Variants in ASTN1 observed in about 807,000 individuals in gnomAD.
ASTN1 encodes astrotactin-1.
A neutral mutation model predicts 140.7 loss-of-function variants in ASTN1; 41 were observed. That is an observed-to-expected ratio of 0.29 (90% CI 0.23 to 0.38). ASTN1 has a LOEUF of 0.38. Among genes scored for constraint, ASTN1 ranks in the 10% least tolerant of loss-of-function variants. ASTN1 has a pLI of 1.00. For missense variants in ASTN1, 1,479 were observed against 1,678.8 expected (o/e 0.88, Z 2.08); for synonymous variants, 640 against 652.2 (o/e 0.98, Z 0.29).
chr1:177,141,985 G>A (rs1682492148), intron 1 of ASTN1, among the ~76,000 whole-genome samples: 1 of 152,214 alleles, frequency 6.6e-6, no homozygotes, highest in South Asian at 2.1e-4. Flanking sequence ...CATCTGCCAA[G>A]TTAGAATGAA....
intron 8 of ASTN1, among the ~76,000 whole-genome samples, chr1:176,984,999 C>A (rs1481773993): frequency 6.6e-6 from 1 of 152,206 alleles, no homozygotes; most frequent in Non-Finnish European, 1.5e-5. Flanking sequence ...CTCTCCCTCC[C>A]CACAGGACTC....
At chr1:176,860,671 C>T (rs1452135290), downstream of ASTN1, among the ~76,000 whole-genome samples, 1 of 152,170 alleles carries the variant, frequency 6.6e-6, no homozygotes, top group Admixed American at 6.5e-5. Context: ...TCATAGCATC[C>T]TGTGCTTCTT....
intron 1 of ASTN1, among the ~76,000 whole-genome samples, chr1:177,092,934 T>G (rs1679829176): frequency 6.6e-6 from 1 of 152,314 alleles, no homozygotes; most frequent in Non-Finnish European, 1.5e-5. Flanking sequence ...ACTGTTTTTA[T>G]TGCTGTAGCT....
At chr1:177,062,336 G>A (rs1370731936) in intron 1 of ASTN1, among the ~76,000 whole-genome samples, 1 of 151,530 alleles carries the variant, frequency 6.6e-6, no homozygotes, top group Non-Finnish European at 1.5e-5. Flanking sequence ...AACCTCCTGG[G>A]CTCAAGCAAT....
Position 177,126,022 on chromosome 1 carries a change from G to T in ASTN1, c.283+38372C>A, listed in dbSNP as rs1469709749. ...ATCCATTTAATTAGGACTTCTCTTG[G>T]CCCCCACCTATCTAAACTGAAGAGT... On this transcript the variant is annotated intron_variant, in intron 1 of 22. Coordinates refer to ENST00000361833, the MANE Select transcript of ASTN1 (RefSeq NM_004319.3). 2.0e-5 allele frequency among the ~76,000 whole-genome samples: 3 copies of T among 152,006 alleles called. No individual in the cohort carries two copies. The East Asian group carries it at 5.8e-4, about 29-fold the overall frequency.
chr1:176,877,704 T>C (rs1668622270), intron 20 of ASTN1, among the ~76,000 whole-genome samples: 1 of 152,220 alleles, frequency 6.6e-6, no homozygotes, highest in African/African-American at 2.4e-5. Context: ...CCAGTCGGTC[T>C]AAAGAAAATC....
intron 1 of ASTN1, among the ~76,000 whole-genome samples, chr1:177,070,607 A>G (rs999390266): frequency 1.1e-4 from 16 of 152,084 alleles, no homozygotes; most frequent in Middle Eastern, 3.4e-3. Flanking sequence ...TCTGCTAAGA[A>G]GCCCTTTCAG....
chr1:177,151,053 G>A (rs974388248), intron 1 of ASTN1, among the ~76,000 whole-genome samples: 4 of 152,028 alleles, frequency 2.6e-5, no homozygotes, highest in Admixed American at 1.3e-4. Flanking sequence ...ATACAGAGGG[G>A]CAGTACTAAG....
chr1:177,162,389 G>A (rs1647432213), intron 1 of ASTN1, among the ~76,000 whole-genome samples: 1 of 152,186 alleles, frequency 6.6e-6, no homozygotes, highest in Non-Finnish European at 1.5e-5. Context: ...TAGTGCATCT[G>A]GCCCTGAAGT....
At chr1:176,987,110 G>A (rs972192186) in intron 8 of ASTN1, among the ~76,000 whole-genome samples, 1 of 152,152 alleles carries the variant, frequency 6.6e-6, no homozygotes, top group African/African-American at 2.4e-5. Context: ...ATAAGGCACA[G>A]GACAGCCTCT....
At chr1:177,128,614 T>C (rs1488177690) in intron 1 of ASTN1, among the ~76,000 whole-genome samples, 2 of 152,212 alleles carry the variant, frequency 1.3e-5, no homozygotes, top group African/African-American at 4.8e-5. Flanking sequence ...AATCAAAATC[T>C]AGAAGAAACA....
At chr1:176,941,832 G>A (rs188792031) in intron 14 of ASTN1, among the ~76,000 whole-genome samples, 509 of 152,186 alleles carry the variant, frequency 3.3e-3, no homozygotes, top group Non-Finnish European at 5.2e-3. Flanking sequence ...GTGCCACCTC[G>A]CACGTCTTCA....
chr1:177,113,469 C>T (rs1035573710), intron 1 of ASTN1, among the ~76,000 whole-genome samples: 9 of 152,196 alleles, frequency 5.9e-5, no homozygotes, highest in African/African-American at 2.2e-4. Flanking sequence ...ATACTGTCAT[C>T]CCCTTGACCT....
At chr1:176,876,723 GC>G in intron 20 of ASTN1, 86 bp from the exon 21 acceptor site, 1 of 1,318,922 alleles carries the variant, frequency 7.6e-7, no homozygotes, top group Admixed American at 2.0e-5. Context: ...GCCCAGCTCT[GC>G]CTGAATGGGT....
At chr1:176,999,531 G>T (rs1479563439) in intron 8 of ASTN1, among the ~76,000 whole-genome samples, 4 of 152,204 alleles carry the variant, frequency 2.6e-5, no homozygotes, top group African/African-American at 9.6e-5. Context: ...TAGCCAAGAA[G>T]TTTTGAGTAA....
At chr1:176,886,058 G>T (rs571138911) in intron 18 of ASTN1, among the ~76,000 whole-genome samples, 2 of 151,996 alleles carry the variant, frequency 1.3e-5, no homozygotes, top group African/African-American at 4.8e-5. Context: ...CATTAGGAAC[G>T]TTAAATAAGT....
chr1:176,961,760 C>T (rs1672675532), intron 9 of ASTN1, among the ~76,000 whole-genome samples: 1 of 152,156 alleles, frequency 6.6e-6, no homozygotes, highest in African/African-American at 2.4e-5. Context: ...CCTAAAATCT[C>T]ATCTGTCCCT....
At chr1:176,984,916 T>C (rs1343299531) in intron 8 of ASTN1, among the ~76,000 whole-genome samples, 3 of 152,176 alleles carry the variant, frequency 2.0e-5, no homozygotes, top group Admixed American at 2.0e-4. Context: ...TGCCTGGACT[T>C]AAACCTTGAA....
chr1:176,991,104 T>C (rs1419679396), intron 8 of ASTN1, among the ~76,000 whole-genome samples: 1 of 152,072 alleles, frequency 6.6e-6, no homozygotes, highest in Admixed American at 6.5e-5. Context: ...CTTCAACACT[T>C]AACCATAAAA....
Sources: gnomAD v4.1 joint callset for allele counts (sites outside exome capture counted in the v4.1 genomes callset) on GRCh38, gnomAD v4.1.1 for gene constraint, MANE v1.5 for transcripts, NCBI Gene and HGNC (gene_info 2026-07-23, HGNC 2026-07-21) for gene names.